Variants in TBCA observed in about 807,000 individuals in gnomAD.
The protein encoded by TBCA is tubulin-specific chaperone A.
In TBCA, 6 loss-of-function variants were observed where a neutral mutation model predicts 15.8. The ratio of observed to expected loss-of-function variants is 0.38; its 90% CI spans 0.21 to 0.75. The LOEUF (loss-of-function observed/expected upper bound fraction) is 0.75, where lower values mean the gene tolerates loss of function less well. TBCA is among the 30% of genes least tolerant of loss of function. The probability of loss-of-function intolerance (pLI) is 0.46; values close to 1 mark genes in which losing one functional copy is unlikely to be tolerated. For synonymous variants in TBCA, 32 were observed against 42.3 expected (o/e 0.76, Z 0.94); for missense variants, 90 against 131.2 (o/e 0.69, Z 1.53).
chr5:77,691,558 T>C (rs1178163238), intron 3 of TBCA, 60 bp from the exon 4 acceptor site: 2 of 1,482,530 alleles, frequency 1.3e-6, no homozygotes, highest in African/African-American at 2.9e-5. Flanking sequence ...ACTTTGTTAT[T>C]TACTCAAATA....
intron 1 of TBCA, among the ~76,000 whole-genome samples, chr5:77,737,036 G>A (rs762925446): frequency 1.3e-5 from 2 of 152,118 alleles, no homozygotes; most frequent in East Asian, 1.9e-4. Flanking sequence ...GGGAATATAG[G>A]AGAATAACAT....
intron 1 of TBCA, among the ~76,000 whole-genome samples, chr5:77,774,283 A>C (rs943079325): frequency 6.6e-6 from 1 of 152,224 alleles, no homozygotes; most frequent in African/African-American, 2.4e-5. Flanking sequence ...TGGCCCTGCA[A>C]AGATGTCTCT....
At chr5:77,692,682 G>A in intron 3 of TBCA, 1 of 982,640 alleles carries the variant, frequency 1.0e-6, no homozygotes, top group Non-Finnish European at 1.2e-6. Flanking sequence ...TACAAATGAT[G>A]CTTCCTGTCT....
chr5:77,717,699 G>A (rs113295202), intron 1 of TBCA, among the ~76,000 whole-genome samples: 2,400 of 152,200 alleles, frequency 0.016, 53 homozygotes, highest in African/African-American at 0.055. Context: ...AGGCATAGTG[G>A]TGCACGCCTG....
At chr5:77,757,221 C>T (rs1357837371) in intron 1 of TBCA, among the ~76,000 whole-genome samples, 1 of 152,128 alleles carries the variant, frequency 6.6e-6, no homozygotes, top group Non-Finnish European at 1.5e-5. Flanking sequence ...AATATGATTA[C>T]AGAGTGCTCT....
intron 3 of TBCA, chr5:77,692,130 T>C: frequency 1.0e-6 from 1 of 983,594 alleles, no homozygotes; most frequent in Non-Finnish European, 1.2e-6. Context: ...AATGAAATAA[T>C]ATTATCTAAA....
chr5:77,707,923 G>A (rs559018644), intron 2 of TBCA, among the ~76,000 whole-genome samples: 1 of 152,234 alleles, frequency 6.6e-6, no homozygotes, highest in African/African-American at 2.4e-5. Context: ...GAGAGTTGAG[G>A]TGGGAGAATT....
intron 2 of TBCA, among the ~76,000 whole-genome samples, chr5:77,708,026 C>G (rs1746187998): frequency 6.6e-6 from 1 of 152,078 alleles, no homozygotes. Context: ...TCAAACAAAA[C>G]AAAACAAAAC....
chr5:77,751,216 C>T (rs967724448), intron 1 of TBCA, among the ~76,000 whole-genome samples: 1 of 127,958 alleles, frequency 7.8e-6, no homozygotes, highest in Non-Finnish European at 1.6e-5. Context: ...CCCTGGAGTA[C>T]AATGGCGCAA....
intron 2 of TBCA, among the ~76,000 whole-genome samples, chr5:77,700,180 G>C (rs1343290274): frequency 6.6e-6 from 1 of 152,096 alleles, no homozygotes; most frequent in African/African-American, 2.4e-5. Flanking sequence ...ACTCCAGCCT[G>C]GGCGACCAAG....
At chr5:77,741,474 T>C (rs1747030038) in intron 1 of TBCA, among the ~76,000 whole-genome samples, 1 of 152,170 alleles carries the variant, frequency 6.6e-6, no homozygotes, top group Non-Finnish European at 1.5e-5. Context: ...TCTGTAGGTT[T>C]GATGGTGCGT....
At chr5:77,766,468 T>C (rs978107357) in intron 1 of TBCA, among the ~76,000 whole-genome samples, 1 of 152,170 alleles carries the variant, frequency 6.6e-6, no homozygotes, top group East Asian at 1.9e-4. Context: ...GTTTCTCTTT[T>C]TTCTCCATTT....
intron 1 of TBCA, among the ~76,000 whole-genome samples, chr5:77,730,718 C>T (rs188665558): frequency 1.3e-5 from 2 of 152,176 alleles, no homozygotes; most frequent in African/African-American, 2.4e-5. Context: ...CATCCATCCA[C>T]CCACCTACCC....
chr5:77,770,840 A>G (rs2112520361), intron 1 of TBCA, among the ~76,000 whole-genome samples: 1 of 152,320 alleles, frequency 6.6e-6, no homozygotes, highest in South Asian at 2.1e-4. Context: ...AACTTAGTAT[A>G]ATAACCCACC....
rs908243626 is a variant in TBCA, at chr5:77,734,034, G to A, written c.54-25687C>T. ...TCTATAAATGAAATGACAAAGCATGGATGACAGCACAACTGTTTATAGCAT... is the reference window on the plus strand; with the variant it reads ...TCTATAAATGAAATGACAAAGCATGAATGACAGCACAACTGTTTATAGCAT... On this transcript the variant is annotated intron_variant, in intron 1 of 3. Transcript: ENST00000380377. 7.2e-5 allele frequency among the ~76,000 whole-genome samples: 11 copies of A among 152,128 alleles called. 1 individual carries two copies. The highest frequency in any genetic ancestry group is 1.7e-4 in the African/African-American group (7 of 41,418).
Position 77,708,455 on chromosome 5 carries a change from T to A in TBCA, c.54-108A>T. 9.8e-6 allele frequency: 6 copies of A among 613,450 alleles called. No individual in the cohort carries two copies. In the South Asian group the frequency reaches 1.5e-4, roughly 15 times the overall value. 38.0% of individuals were successfully genotyped at this position (613,450 alleles called of 1,614,324 possible). ...TATATTTAAAATACCAAAGTAGATA[T>A]ACTAGATGGGGGGAGGAAGGAACAG... On this transcript the variant is annotated intron_variant, in intron 1 of 3. Transcript: ENST00000380377.
intron 1 of TBCA, among the ~76,000 whole-genome samples, chr5:77,729,602 G>A (rs1174818632): frequency 6.6e-6 from 1 of 152,008 alleles, no homozygotes; most frequent in East Asian, 1.9e-4. Context: ...GATTGCTTTT[G>A]GAAGAAAAAA....
intron 1 of TBCA, among the ~76,000 whole-genome samples, chr5:77,751,514 T>C (rs1309164484): frequency 6.6e-6 from 1 of 151,730 alleles, no homozygotes; most frequent in Non-Finnish European, 1.5e-5. Context: ...TTTAGTGCCC[T>C]GGCCAAGAAG....
chr5:77,707,615 G>C (rs1025044467), intron 2 of TBCA, among the ~76,000 whole-genome samples: 1 of 152,120 alleles, frequency 6.6e-6, no homozygotes. Context: ...AAATCAAGAA[G>C]AGCCTTGTAT....
Sources: allele counts gnomAD v4.1 joint callset (sites outside exome capture counted in the v4.1 genomes callset), GRCh38; gene constraint gnomAD v4.1.1; transcripts MANE v1.5; gene names NCBI Gene and HGNC (gene_info 2026-07-23, HGNC 2026-07-21).